CD99L2: variants seen among roughly 807,000 people sequenced by gnomAD.
The protein encoded by CD99L2 is CD99 molecule like 2.
Under a neutral mutation model 27.3 loss-of-function variants are expected in CD99L2, and 24 were observed. The observed-to-expected ratio is 0.88, with a 90% CI of 0.64 to 1.24. The LOEUF (loss-of-function observed/expected upper bound fraction) is 1.24, where lower values mean the gene tolerates loss of function less well. Among genes scored for constraint, CD99L2 ranks in the 50% most tolerant of loss-of-function variants. The pLI is 0.00. For synonymous variants in CD99L2, 97 were observed against 87.9 expected, an observed-to-expected ratio of 1.10 and a Z score of -0.58; for missense variants, 255 against 221.6, an observed-to-expected ratio of 1.15 and a Z score of -0.96.
intron 9 of CD99L2, chrX:150,771,709 G>A: frequency 3.0e-6 from 3 of 989,429 alleles, no homozygotes; most frequent in East Asian, 6.7e-5. Context: ...GGAAGCAGGA[G>A]GGAGAAGAGC....
At chrX:150,841,288 A>G (rs1218583499) in intron 1 of CD99L2, among the ~76,000 whole-genome samples, 2 of 112,442 alleles carry the variant, frequency 1.8e-5, no homozygotes, top group African/African-American at 6.5e-5. Context: ...AGTGCAGAGA[A>G]GTATTTTTCC....
At chrX:150,877,342 C>T (rs1473972324) in intron 1 of CD99L2, among the ~76,000 whole-genome samples, 2 of 111,187 alleles carry the variant, frequency 1.8e-5, no homozygotes, top group African/African-American at 6.5e-5. Context: ...GATAAAAATA[C>T]ATATCACAAA....
At chrX:150,777,694 CT>C in intron 7 of CD99L2, among the ~76,000 whole-genome samples, 2 of 112,687 alleles carry the variant, frequency 1.8e-5, no homozygotes, top group Middle Eastern at 9.2e-3. Context: ...CCAGGTGGAA[CT>C]TTTTATTATT....
chrX:150,885,970 A>C (rs1240879348), intron 1 of CD99L2, among the ~76,000 whole-genome samples: 2 of 112,488 alleles, frequency 1.8e-5, no homozygotes, highest in Non-Finnish European at 3.8e-5. Context: ...TCTATGCAGA[A>C]AATAACTAAC....
At chrX:150,854,907 C>T (rs183344467) in intron 1 of CD99L2, among the ~76,000 whole-genome samples, 2 of 110,627 alleles carry the variant, frequency 1.8e-5, no homozygotes, top group African/African-American at 3.3e-5. Flanking sequence ...TGCTGCCCCC[C>T]CTCCCCCCGG....
At position 150,768,865 on chromosome X, in the gene CD99L2, G is replaced by C. The variant is rs2043356507; in HGVS notation, c.*169C>G. 2.0e-6 allele frequency: 2 copies of C among 1,012,411 alleles called. No individual in the cohort carries two copies. Among genetic ancestry groups the C allele is most frequent in the Non-Finnish European group, 1.2e-6 (1 of 800,329 alleles). 83.4% of individuals were successfully genotyped at this position (1,012,411 alleles called of 1,213,427 possible). ...CCAAGTCTCAGCACGCTTGGGGCAG[G>C]GCAGAGAAACCAAACTCACAAACAC... On this transcript the variant is annotated 3_prime_UTR_variant, in exon 11 of 11. Coordinates refer to ENST00000370377, the MANE Select transcript of CD99L2 (RefSeq NM_031462.4).
In CD99L2 at chrX:150,766,531, C is replaced by T. The variant is rs1034056837; in HGVS notation, c.*2503G>A. On this transcript the variant is annotated 3_prime_UTR_variant, in exon 11 of 11. Transcript: ENST00000370377. Reference sequence around the variant, plus strand: ...TGGGTCCCACCCCAGAAGCCACGCACACCTCCTTCCGCCCAGCTTTATCTT... The same window carrying T: ...TGGGTCCCACCCCAGAAGCCACGCATACCTCCTTCCGCCCAGCTTTATCTT... 3.6e-5 allele frequency: 4 copies of T among 111,725 alleles called. No individual in the cohort carries two copies. Among genetic ancestry groups the T allele is most frequent in the African/African-American group, 1.3e-4 (4 of 30,631 alleles). The allele number at this position is 111,725 out of a possible 1,213,427, so 9.2% of individuals were successfully genotyped here.
chrX:150,827,177 G>T (rs7055323), intron 2 of CD99L2, among the ~76,000 whole-genome samples: 2,935 of 110,751 alleles, frequency 0.027, 117 homozygotes, highest in African/African-American at 0.092. Context: ...GTGGTTCAGG[G>T]GTTTTTAAAA....
At chrX:150,825,926 C>T (rs1043138242) in intron 2 of CD99L2, among the ~76,000 whole-genome samples, 1 of 111,772 alleles carries the variant, frequency 8.9e-6, no homozygotes, top group African/African-American at 3.3e-5. Flanking sequence ...ATAATGGTAA[C>T]TGCTTGGTCT....
chrX:150,838,725 T>C (rs1484452442), intron 1 of CD99L2, among the ~76,000 whole-genome samples: 2 of 107,073 alleles, frequency 1.9e-5, no homozygotes, highest in African/African-American at 3.4e-5. Context: ...ACAAACTTTT[T>C]GGGTTTTTTT....
chrX:150,778,820 A>T (rs1036867529), intron 7 of CD99L2, among the ~76,000 whole-genome samples: 1 of 107,640 alleles, frequency 9.3e-6, no homozygotes, highest in African/African-American at 3.4e-5. Context: ...AATGGTTATT[A>T]ACAAAGAGCA....
chrX:150,802,523 A>G (rs910445304), intron 4 of CD99L2, among the ~76,000 whole-genome samples: 7 of 105,763 alleles, frequency 6.6e-5, no homozygotes, highest in Non-Finnish European at 1.2e-4. Context: ...CCAAGATCAC[A>G]CCACTGCACT....
At chrX:150,787,181 T>C (rs1301726348) in intron 7 of CD99L2, among the ~76,000 whole-genome samples, 3 of 112,284 alleles carry the variant, frequency 2.7e-5, no homozygotes, top group Non-Finnish European at 5.6e-5. Context: ...TTTACTCTGT[T>C]GATAGTTTCT....
chrX:150,802,774 G>T (rs1276574136), intron 4 of CD99L2, among the ~76,000 whole-genome samples: 1 of 103,992 alleles, frequency 9.6e-6, no homozygotes, highest in African/African-American at 3.5e-5. Flanking sequence ...GTAGAGACGG[G>T]GTTTCACCGT....
intron 4 of CD99L2, among the ~76,000 whole-genome samples, chrX:150,810,415 T>C (rs1005966904): frequency 5.3e-4 from 59 of 110,471 alleles, no homozygotes; most frequent in African/African-American, 1.9e-3. Flanking sequence ...AAAAACACAA[T>C]CCACAAAAAC....
chrX:150,892,864 G>A (rs1603326978), intron 1 of CD99L2, among the ~76,000 whole-genome samples: 1 of 111,503 alleles, frequency 9.0e-6, no homozygotes. Flanking sequence ...GTTCACGCCT[G>A]TAATCCCAGC....
At chrX:150,794,735 G>C (rs782061372) in intron 6 of CD99L2, among the ~76,000 whole-genome samples, 7 of 111,107 alleles carry the variant, frequency 6.3e-5, no homozygotes, top group Admixed American at 1.9e-4. Context: ...TGGGTGTGAG[G>C]CCAGATTTCC....
intron 1 of CD99L2, among the ~76,000 whole-genome samples, chrX:150,852,198 A>C (rs2046802775): frequency 8.9e-6 from 1 of 111,827 alleles, no homozygotes; most frequent in South Asian, 3.7e-4. Context: ...GCAGAAGTGC[A>C]TTTGGCCAAA....
At chrX:150,873,594 A>G (rs927648509) in intron 1 of CD99L2, among the ~76,000 whole-genome samples, 1 of 112,222 alleles carries the variant, frequency 8.9e-6, no homozygotes, top group Non-Finnish European at 1.9e-5. Flanking sequence ...AAGCCATAAA[A>G]AATGAAAAGT....
Sources: allele counts gnomAD v4.1 joint callset (sites outside exome capture counted in the v4.1 genomes callset), GRCh38; gene constraint gnomAD v4.1.1; transcripts MANE v1.5; gene names NCBI Gene and HGNC (gene_info 2026-07-23, HGNC 2026-07-21).